STXBP5L: variants seen among roughly 807,000 people sequenced by gnomAD.
The protein encoded by STXBP5L is syntaxin-binding protein 5-like.
STXBP5L carries 65 observed loss-of-function variants against 144.5 expected under a neutral mutation model. The ratio of observed to expected loss-of-function variants is 0.45; its 90% CI spans 0.37 to 0.55. The LOEUF is 0.55. STXBP5L is among the 20% of genes least tolerant of loss of function. The pLI is 0.00. For missense variants in STXBP5L, 1,298 were observed against 1,405.5 expected, an observed-to-expected ratio of 0.92 and a Z score of 1.22; for synonymous variants, 505 against 469.6, an observed-to-expected ratio of 1.08 and a Z score of -0.97.
chr3:121,097,854 G>A (rs1053929448), intron 5 of STXBP5L, among the ~76,000 whole-genome samples: 28 of 152,170 alleles, frequency 1.8e-4, no homozygotes, highest in Non-Finnish European at 3.5e-4. Context: ...TACAATGGAT[G>A]CCATTACTGA....
Position 121,407,303 on chromosome 3 carries a change from G to A in STXBP5L, c.2648G>A (p.Gly883Glu), listed in dbSNP as rs2047013651. ...LTFSCMDRMG[G>E]LMQPPYEVWR... ...TTCTCCTGTATGGACCGAATGGGTG[G>A]ATTAATGCAACCGCCATATGAAGTT... The change falls in exon 23 of 27, where the codon GGA becomes GAA. Residue 883 changes from glycine (G) to glutamate (E), a missense_variant. Gly to Glu is a moderately conservative substitution (Grantham distance 98). Coordinates refer to ENST00000471454, the MANE Select transcript of STXBP5L (RefSeq NM_001308330.2). 2.5e-6 allele frequency: 4 copies of A among 1,611,426 alleles called. No homozygotes were observed. Among genetic ancestry groups the A allele is most frequent in the Non-Finnish European group, 3.4e-6 (4 of 1,178,694 alleles).
intron 14 of STXBP5L, among the ~76,000 whole-genome samples, chr3:121,242,811 A>G (rs959755429): frequency 6.6e-5 from 10 of 152,298 alleles, no homozygotes; most frequent in African/African-American, 2.2e-4. Flanking sequence ...GAATTAATTG[A>G]GAGTGATATC....
At chr3:120,940,198 T>G (rs1710494003) in intron 2 of STXBP5L, among the ~76,000 whole-genome samples, 1 of 152,054 alleles carries the variant, frequency 6.6e-6, no homozygotes, top group Non-Finnish European at 1.5e-5. Flanking sequence ...AAAGATGTAT[T>G]TATGTTTTTC....
At chr3:120,960,064 A>G (rs1938575311) in intron 3 of STXBP5L, among the ~76,000 whole-genome samples, 1 of 152,244 alleles carries the variant, frequency 6.6e-6, no homozygotes, top group South Asian at 2.1e-4. Flanking sequence ...TTTACCAGAA[A>G]AAAACAAACA....
chr3:121,412,727 CAAAAAAAA>C (rs35247157), intron 23 of STXBP5L, among the ~76,000 whole-genome samples: 11 of 69,592 alleles, frequency 1.6e-4, no homozygotes, highest in African/African-American at 1.8e-4. Context: ...TTTCTCCCTC[CAAAAAAAA>C]AAAAAAAAAA....
At chr3:121,172,829 G>A (rs1411940727) in intron 9 of STXBP5L, among the ~76,000 whole-genome samples, 2 of 152,066 alleles carry the variant, frequency 1.3e-5, no homozygotes, top group Non-Finnish European at 2.9e-5. Flanking sequence ...CCCATTACTG[G>A]GTGTATACCC....
intron 3 of STXBP5L, among the ~76,000 whole-genome samples, chr3:121,036,033 A>T (rs984927880): frequency 6.6e-6 from 1 of 152,098 alleles, no homozygotes. Context: ...TAGAATTACA[A>T]TTTATTTAAA....
At chr3:120,911,239 A>T (rs190997367) in intron 2 of STXBP5L, among the ~76,000 whole-genome samples, 52 of 152,252 alleles carry the variant, frequency 3.4e-4, no homozygotes, top group Admixed American at 2.9e-3. Flanking sequence ...TTTAAATAAA[A>T]AACTTCAGGG....
chr3:121,065,982 G>C (rs1385807450), intron 5 of STXBP5L, among the ~76,000 whole-genome samples: 8 of 152,168 alleles, frequency 5.3e-5, no homozygotes, highest in Admixed American at 5.2e-4. Flanking sequence ...CAACAGAGCA[G>C]CTTGCTGCTT....
At chr3:121,379,972 G>C (rs1018331295) in intron 21 of STXBP5L, among the ~76,000 whole-genome samples, 2 of 151,980 alleles carry the variant, frequency 1.3e-5, no homozygotes, top group South Asian at 2.1e-4. Flanking sequence ...GCAGCTGGAG[G>C]TACAGGTGCA....
At chr3:121,140,463 A>G (rs1413684905) in intron 7 of STXBP5L, among the ~76,000 whole-genome samples, 1 of 152,206 alleles carries the variant, frequency 6.6e-6, no homozygotes, top group African/African-American at 2.4e-5. Context: ...ATTATTCACA[A>G]TGGCCAAGAT....
intron 19 of STXBP5L, among the ~76,000 whole-genome samples, chr3:121,287,061 A>G (rs1230981740): frequency 1.3e-5 from 2 of 152,200 alleles, no homozygotes; most frequent in East Asian, 3.8e-4. Context: ...TGATCAACGT[A>G]TACATATGAT....
chr3:120,969,655 G>A (rs542858718), intron 3 of STXBP5L, among the ~76,000 whole-genome samples: 10 of 151,900 alleles, frequency 6.6e-5, no homozygotes, highest in African/African-American at 2.2e-4. Context: ...AAGTTATCTT[G>A]TAGAATTTTT....
chr3:120,964,371 G>T (rs1163770878), intron 3 of STXBP5L, among the ~76,000 whole-genome samples: 1 of 152,098 alleles, frequency 6.6e-6, no homozygotes, highest in Non-Finnish European at 1.5e-5. Flanking sequence ...ATGTTAAGGT[G>T]TCGATTTTAG....
chr3:121,161,120 CA>C (rs1401940614), intron 9 of STXBP5L, among the ~76,000 whole-genome samples: 3 of 151,846 alleles, frequency 2.0e-5, no homozygotes, highest in African/African-American at 7.3e-5. Flanking sequence ...TGCTATTTAT[CA>C]TTTTCATTTG....
At chr3:121,135,389 T>C (rs1476849205) in intron 7 of STXBP5L, among the ~76,000 whole-genome samples, 1 of 152,154 alleles carries the variant, frequency 6.6e-6, no homozygotes, top group Non-Finnish European at 1.5e-5. Flanking sequence ...ACCATAGCAA[T>C]GGTGAAGTAA....
chr3:120,954,303 G>A (rs1015144047), intron 2 of STXBP5L, among the ~76,000 whole-genome samples: 1 of 152,100 alleles, frequency 6.6e-6, no homozygotes, highest in Admixed American at 6.6e-5. Context: ...GTATATGCTT[G>A]TGTAATCCAA....
intron 20 of STXBP5L, among the ~76,000 whole-genome samples, chr3:121,370,838 G>T (rs974728663): frequency 6.6e-6 from 1 of 152,154 alleles, no homozygotes; most frequent in Non-Finnish European, 1.5e-5. Flanking sequence ...TTCTTGTAGA[G>T]TGTTTTTTAG....
intron 20 of STXBP5L, among the ~76,000 whole-genome samples, chr3:121,338,278 T>A (rs1002115469): frequency 6.6e-6 from 1 of 151,940 alleles, no homozygotes; most frequent in African/African-American, 2.4e-5. Flanking sequence ...GTTGGTTCTT[T>A]GAAAAAATAA....
Sources: gnomAD v4.1 joint callset for allele counts (sites outside exome capture counted in the v4.1 genomes callset) on GRCh38, gnomAD v4.1.1 for gene constraint, MANE v1.5 for transcripts, NCBI Gene and HGNC (gene_info 2026-07-23, HGNC 2026-07-21) for gene names.